The following PDE8B variants were observed in gnomAD, a reference collection of about 807,000 sequenced individuals.
PDE8B encodes the protein phosphodiesterase 8B.
PDE8B carries 26 observed loss-of-function variants against 101.3 expected under a neutral mutation model. The ratio of observed to expected loss-of-function variants is 0.26; its 90% CI spans 0.19 to 0.36. PDE8B has a LOEUF of 0.36. Ranked by LOEUF, PDE8B falls within the 10% of genes least tolerant of loss-of-function variation. The pLI is 1.00. For missense variants in PDE8B, 810 were observed against 1,163.1 expected, an observed-to-expected ratio of 0.70 and a Z score of 4.42; for synonymous variants, 424 against 429.3, an observed-to-expected ratio of 0.99 and a Z score of 0.15.
chr5:77,147,141 ATG>A, the PDE8B span: 6 of 19,948 alleles, frequency 3.0e-4, no homozygotes, highest in Admixed American at 1.3e-3. Flanking sequence ...GAAGATGAAG[ATG>A]ATGATGATGA....
At chr5:77,227,790 T>A (rs1430572718) in intron 1 of PDE8B, among the ~76,000 whole-genome samples, 1 of 152,210 alleles carries the variant, frequency 6.6e-6, no homozygotes, top group Non-Finnish European at 1.5e-5. Context: ...ACTGAGGGCT[T>A]AACTGGGCAT....
chr5:77,283,397 C>G (rs1395599214), intron 1 of PDE8B, among the ~76,000 whole-genome samples: 1 of 152,132 alleles, frequency 6.6e-6, no homozygotes, highest in East Asian at 1.9e-4. Flanking sequence ...GATGTTGTAC[C>G]TTCTGGGGAG....
chr5:77,226,816 A>G (rs1411795856), intron 1 of PDE8B, among the ~76,000 whole-genome samples: 1 of 152,114 alleles, frequency 6.6e-6, no homozygotes, highest in Admixed American at 6.5e-5. Flanking sequence ...ACCCAGCTAT[A>G]GTTTCATTTT....
the PDE8B span, among the ~76,000 whole-genome samples, chr5:77,157,500 C>T: frequency 2.0e-5 from 3 of 152,144 alleles, no homozygotes; most frequent in East Asian, 1.9e-4. Flanking sequence ...ATGAGGGTGG[C>T]TGTGAAGACT....
intron 5 of PDE8B, among the ~76,000 whole-genome samples, chr5:77,336,477 C>T (rs1778225816): frequency 6.6e-6 from 1 of 152,182 alleles, no homozygotes; most frequent in East Asian, 1.9e-4. Context: ...TGGAATCATA[C>T]AATATGTGAA....
chr5:77,113,473 GAA>G, the PDE8B span: 1 of 152,222 alleles, frequency 6.6e-6, no homozygotes, highest in Non-Finnish European at 1.5e-5. Context: ...GTAGAAAGGT[GAA>G]ACTGGATCCC....
At chr5:77,091,044 G>C in the PDE8B span, among the ~76,000 whole-genome samples, 3 of 152,082 alleles carry the variant, frequency 2.0e-5, no homozygotes, top group Admixed American at 1.3e-4. Context: ...TAGGGTACAA[G>C]CATCCCCATT....
chr5:77,356,214 G>A (rs1782079818), intron 10 of PDE8B, among the ~76,000 whole-genome samples: 1 of 152,246 alleles, frequency 6.6e-6, no homozygotes, highest in Non-Finnish European at 1.5e-5. Flanking sequence ...TCTGCGTCCT[G>A]TCTCAAAGCC....
chr5:77,168,420 C>T, the PDE8B span, among the ~76,000 whole-genome samples: 1 of 152,218 alleles, frequency 6.6e-6, no homozygotes, highest in East Asian at 1.9e-4. Flanking sequence ...TGGGCTCTGG[C>T]ACCAGGAGCG....
At chr5:77,270,168 T>C (rs190646393) in intron 1 of PDE8B, among the ~76,000 whole-genome samples, 1 of 152,340 alleles carries the variant, frequency 6.6e-6, no homozygotes, top group Admixed American at 6.5e-5. Flanking sequence ...TTTACAGTTT[T>C]AATTGTAGAG....
chr5:77,294,562 AGGACG>A (rs1245224172), intron 1 of PDE8B, among the ~76,000 whole-genome samples: 2 of 152,170 alleles, frequency 1.3e-5, no homozygotes, highest in Non-Finnish European at 2.9e-5. Context: ...ACAAAAGAAC[AGGACG>A]AATGCAAATT....
chr5:77,377,251 A>G (rs1786311095), intron 10 of PDE8B, among the ~76,000 whole-genome samples: 1 of 152,208 alleles, frequency 6.6e-6, no homozygotes, highest in Non-Finnish European at 1.5e-5. Context: ...CTCAACAAAC[A>G]GAATACACCT....
At chr5:77,324,716 T>C (rs1386748112) in intron 2 of PDE8B, among the ~76,000 whole-genome samples, 1 of 152,244 alleles carries the variant, frequency 6.6e-6, no homozygotes, top group Non-Finnish European at 1.5e-5. Context: ...GTTCCCTTAC[T>C]TCCTTATGTC....
At chr5:77,177,600 C>T in the PDE8B span, among the ~76,000 whole-genome samples, 1 of 152,328 alleles carries the variant, frequency 6.6e-6, no homozygotes, top group Non-Finnish European at 1.5e-5. Context: ...CGCATTACAG[C>T]TTCTCTTTGG....
At position 77,425,672 on chromosome 5, in the gene PDE8B, T is replaced by C; in HGVS notation, c.2419-95T>C. 6 of 1,266,498 alleles carry C rather than the reference T, an allele frequency of 4.7e-6. No homozygotes were observed. The South Asian group carries it at 7.2e-5, about 15-fold the overall frequency. The allele number at this position is 1,266,498 out of a possible 1,614,324, so 78.5% of individuals were successfully genotyped here. ...TTTCTTCATTGAGAAAACTGGATAA[T>C]GACCCATTTTCACAGGGTTGTTCTG... On this transcript the variant is annotated intron_variant, in intron 20 of 21. Transcript: ENST00000264917.
rs567378113 is a variant in PDE8B at position 77,427,051 on chromosome 5, AC to A, written c.*498del. The A allele has an allele frequency of 0.024, 3,735 of 157,658 alleles. 63 individuals carry two copies. Among genetic ancestry groups the A allele is most frequent in the Non-Finnish European group, 0.035 (2,529 of 71,512 alleles). 9.8% of individuals were successfully genotyped at this position (157,658 alleles called of 1,614,324 possible). A position where few individuals can be genotyped will look rare whatever the true frequency, so the allele number is the denominator to read the frequency against. ...CAGATTTATCTAAGAAAAAAAAAAA[AC>A]GACATAAAATAAGTGAAACAACTAG... On this transcript the variant is annotated 3_prime_UTR_variant, in exon 22 of 22. Coordinates refer to ENST00000264917, the MANE Select transcript of PDE8B (RefSeq NM_003719.5).
At chr5:77,277,920 A>G (rs1392377392) in intron 1 of PDE8B, among the ~76,000 whole-genome samples, 1 of 152,248 alleles carries the variant, frequency 6.6e-6, no homozygotes, top group Non-Finnish European at 1.5e-5. Flanking sequence ...ACTATGCATA[A>G]GATGTACATA....
the PDE8B span, chr5:77,111,756 T>C: frequency 2.0e-5 from 3 of 152,198 alleles, no homozygotes; most frequent in African/African-American, 7.2e-5. Context: ...GAAAGGCTTT[T>C]AAGTGTAAAT....
chr5:77,095,478 A>C, the PDE8B span, among the ~76,000 whole-genome samples: 29 of 152,314 alleles, frequency 1.9e-4, no homozygotes, highest in African/African-American at 6.7e-4. Flanking sequence ...AGCTGATCTG[A>C]GCACAGTGGT....
Sources: gnomAD v4.1 joint callset for allele counts (sites outside exome capture counted in the v4.1 genomes callset) on GRCh38, gnomAD v4.1.1 for gene constraint, MANE v1.5 for transcripts, NCBI Gene and HGNC (gene_info 2026-07-23, HGNC 2026-07-21) for gene names.